The following DGKI variants were observed in gnomAD, a reference collection of about 807,000 sequenced individuals.
The protein encoded by DGKI is DAG kinase iota.
DGKI carries 55 observed loss-of-function variants against 147.5 expected under a neutral mutation model. The ratio of observed to expected loss-of-function variants is 0.37; its 90% CI spans 0.30 to 0.47. DGKI has a LOEUF of 0.47. Among genes scored for constraint, DGKI ranks in the 20% least tolerant of loss-of-function variants. DGKI has a pLI of 1.00. For synonymous variants in DGKI, 469 were observed against 477.1 expected (o/e 0.98, Z 0.22); for missense variants, 1,007 against 1,323.8 (o/e 0.76, Z 3.71).
At chr7:137,838,808 A>G (rs1217185448) in intron 1 of DGKI, among the ~76,000 whole-genome samples, 2 of 152,230 alleles carry the variant, frequency 1.3e-5, no homozygotes, top group Non-Finnish European at 2.9e-5. Context: ...CCTGGTTCAA[A>G]TAACTGATGG....
At chr7:137,564,678 A>T (rs1563087741) in intron 19 of DGKI, among the ~76,000 whole-genome samples, 1 of 152,250 alleles carries the variant, frequency 6.6e-6, no homozygotes, top group Non-Finnish European at 1.5e-5. Flanking sequence ...TGTATAAAAC[A>T]TATATAATTC....
Position 137,395,880 on chromosome 7 carries a change from T to C in DGKI, c.2958-183A>G, listed in dbSNP as rs947894646. 7.1e-6 allele frequency: 4 copies of C among 562,898 alleles called. No homozygotes were observed. The African/African-American group carries it at 7.5e-5, about 11-fold the overall frequency. The allele number at this position is 562,898 out of a possible 1,614,324, so 34.9% of individuals were successfully genotyped here. A position where few individuals can be genotyped will look rare whatever the true frequency, so the allele number is the denominator to read the frequency against. On this transcript the variant is annotated intron_variant, in intron 31 of 32. Coordinates refer to ENST00000614521, the MANE Select transcript of DGKI (RefSeq NM_001321708.2). ...TTCTAAAAATTCCTTGAGCTAGCCA[T>C]CAACTGATCATAATATCTGACTCTA...
At chr7:137,538,199 G>T (rs897340296) in intron 20 of DGKI, among the ~76,000 whole-genome samples, 9 of 152,080 alleles carry the variant, frequency 5.9e-5, no homozygotes, top group African/African-American at 1.7e-4. Flanking sequence ...AAGATCAAAG[G>T]TTCTTTGCTC....
At chr7:137,500,651 TG>T (rs1269205746) in intron 21 of DGKI, among the ~76,000 whole-genome samples, 2 of 152,120 alleles carry the variant, frequency 1.3e-5, no homozygotes, top group Non-Finnish European at 2.9e-5. Flanking sequence ...ACCCTATATA[TG>T]AGACTGAATT....
At chr7:137,681,664 A>G (rs1445195163) in intron 2 of DGKI, among the ~76,000 whole-genome samples, 1 of 152,280 alleles carries the variant, frequency 6.6e-6, no homozygotes, top group Admixed American at 6.5e-5. Context: ...TAATAACAGC[A>G]GCCAATATGA....
intron 3 of DGKI, among the ~76,000 whole-genome samples, chr7:137,677,345 A>G (rs1823070199): frequency 6.6e-6 from 1 of 152,222 alleles, no homozygotes; most frequent in Admixed American, 6.5e-5. Flanking sequence ...TCAATGTCAC[A>G]CACTGAGCAG....
At chr7:137,665,347 T>C (rs920796679) in intron 3 of DGKI, among the ~76,000 whole-genome samples, 1 of 152,124 alleles carries the variant, frequency 6.6e-6, no homozygotes, top group African/African-American at 2.4e-5. Context: ...GTGAATTCCT[T>C]ATATTTTGTC....
chr7:137,740,818 C>T (rs918417858), intron 1 of DGKI, among the ~76,000 whole-genome samples: 1 of 152,082 alleles, frequency 6.6e-6, no homozygotes, highest in African/African-American at 2.4e-5. Context: ...AACAATGAGG[C>T]TTTTCTCATG....
At chr7:137,447,326 C>T (rs1813755508) in intron 27 of DGKI, among the ~76,000 whole-genome samples, 1 of 151,876 alleles carries the variant, frequency 6.6e-6, no homozygotes, top group Admixed American at 6.5e-5. Flanking sequence ...TCAGGGAACT[C>T]ATAATCTAGT....
At chr7:137,412,340 G>C (rs1731959) in intron 28 of DGKI, 133 bp from the exon 29 acceptor site, 835,159 of 837,296 alleles carry the variant, frequency 1, 416,542 homozygotes, top group East Asian at 1. Context: ...ATATCTTGGT[G>C]AAGCAGACCG....
chr7:137,801,944 C>T (rs1280957969), intron 1 of DGKI, among the ~76,000 whole-genome samples: 5 of 152,188 alleles, frequency 3.3e-5, no homozygotes, highest in South Asian at 4.2e-4. Context: ...CGAGCACACA[C>T]GTGTTCATAG....
chr7:137,763,819 C>G (rs1275605992), intron 1 of DGKI, among the ~76,000 whole-genome samples: 2 of 152,248 alleles, frequency 1.3e-5, no homozygotes, highest in Non-Finnish European at 2.9e-5. Context: ...CCTGTCTGCT[C>G]CAAGTCTCCA....
intron 1 of DGKI, among the ~76,000 whole-genome samples, chr7:137,736,625 C>A (rs988519060): frequency 3.3e-5 from 5 of 152,066 alleles, no homozygotes; most frequent in Admixed American, 2.6e-4. Context: ...CAAATTGCAT[C>A]CTGTTTGTCC....
At chr7:137,458,522 G>C (rs187167340) in intron 27 of DGKI, among the ~76,000 whole-genome samples, 1 of 152,242 alleles carries the variant, frequency 6.6e-6, no homozygotes, top group Non-Finnish European at 1.5e-5. Context: ...CTAAGAACCG[G>C]AAAAAGGTTA....
chr7:137,466,167 C>T, intron 25 of DGKI, 132 bp from the exon 26 acceptor site: 3 of 1,081,672 alleles, frequency 2.8e-6, no homozygotes, highest in Non-Finnish European at 4.0e-6. Context: ...GTTGGTGATC[C>T]TCCCCAAAGC....
At chr7:137,620,019 GCA>G (rs3839659) in intron 7 of DGKI, 79 bp from the exon 8 acceptor site, 25,249 of 497,270 alleles carry the variant, frequency 0.051, 287 homozygotes, top group African/African-American at 0.1. Flanking sequence ...ATGTACACAC[GCA>G]CACACACACA....
rs372984668 is a variant in DGKI at position 137,653,128 on chromosome 7, TTGTG to T, written c.738+1600_738+1603del. Reference sequence around the variant, plus strand: ...GGTGTGTGTGTGTGTGTATGTGTGTTTGTGTGTGTGTGTGTGCGCGCGCGTGCGC... The same window carrying T: ...GGTGTGTGTGTGTGTGTATGTGTGTTTGTGTGTGTGTGCGCGCGCGTGCGC... On this transcript the variant is annotated intron_variant, in intron 5 of 32. Coordinates refer to ENST00000614521, the MANE Select transcript of DGKI (RefSeq NM_001321708.2). Among the ~76,000 whole-genome samples, 66 of 151,822 alleles carry T rather than the reference TTGTG, an allele frequency of 4.3e-4. 1 individual carries two copies. Among genetic ancestry groups the T allele is most frequent in the African/African-American group, 1.4e-3 (60 of 41,472 alleles).
At chr7:137,499,164 T>C (rs1585173681) in intron 21 of DGKI, among the ~76,000 whole-genome samples, 1 of 152,208 alleles carries the variant, frequency 6.6e-6, no homozygotes, top group South Asian at 2.1e-4. Context: ...ATGCATACGT[T>C]GGTGGTAAAT....
intron 30 of DGKI, among the ~76,000 whole-genome samples, chr7:137,399,898 G>C (rs1252504508): frequency 7.1e-6 from 1 of 140,110 alleles, no homozygotes; most frequent in African/African-American, 2.8e-5. Context: ...CTGGGTGACA[G>C]AGCAAGACTT....
Sources: gnomAD v4.1 joint callset for allele counts (sites outside exome capture counted in the v4.1 genomes callset) on GRCh38, gnomAD v4.1.1 for gene constraint, MANE v1.5 for transcripts, NCBI Gene and HGNC (gene_info 2026-07-23, HGNC 2026-07-21) for gene names.